SLC22A15: variants seen among roughly 807,000 people sequenced by gnomAD.
SLC22A15 encodes the protein flipt 1.
In SLC22A15, 45 loss-of-function variants were observed where a neutral mutation model predicts 62.7. The ratio of observed to expected loss-of-function variants is 0.72; its 90% CI spans 0.56 to 0.92. SLC22A15 has a LOEUF of 0.92. SLC22A15 is among the 40% of genes least tolerant of loss of function. The pLI, the probability that SLC22A15 is intolerant of heterozygous loss-of-function variation, is 0.00. For synonymous variants in SLC22A15, 264 were observed against 267.0 expected (o/e 0.99, Z 0.11); for missense variants, 622 against 665.6 (o/e 0.93, Z 0.72).
At chr1:116,009,098 A>C (rs1261244522) in intron 2 of SLC22A15, among the ~76,000 whole-genome samples, 2 of 152,024 alleles carry the variant, frequency 1.3e-5, no homozygotes, top group East Asian at 3.9e-4. Context: ...TAAGTCTCAT[A>C]CTCTCAGCAG....
In SLC22A15 at chr1:116,069,443, T is replaced by C. The variant is rs1658569061; in HGVS notation, c.*2335T>C. ...GTATTTTGGTTGTGCGGATGGTTTGTAAAAAGTATCCTGTTTTTTTAATTC... is the reference window on the plus strand; with the variant it reads ...GTATTTTGGTTGTGCGGATGGTTTGCAAAAAGTATCCTGTTTTTTTAATTC... On this transcript the variant is annotated 3_prime_UTR_variant, in exon 12 of 12. Transcript: ENST00000369503. 6.6e-6 allele frequency: 1 copy of C among 152,170 alleles called. No homozygotes were observed. Among genetic ancestry groups the C allele is most frequent in the South Asian group, 2.1e-4 (1 of 4,836 alleles). The allele number at this position is 152,170 out of a possible 1,614,324, so 9.4% of individuals were successfully genotyped here.
rs1656705219 is a variant in SLC22A15, at chr1:116,019,411, G to A, written c.301-171G>A. Among the ~76,000 whole-genome samples, 3 of 152,328 alleles carry A rather than the reference G, an allele frequency of 2.0e-5. No individual in the cohort carries two copies. The South Asian group carries it at 6.2e-4, about 32-fold the overall frequency. ...AATAATAGTGATTTCTAGTGTTTCT[G>A]AAGATAAAATCTGATTGGACGTTGT... On this transcript the variant is annotated intron_variant, in intron 2 of 11. Coordinates refer to ENST00000369503, the MANE Select transcript of SLC22A15 (RefSeq NM_018420.3).
At chr1:116,019,909 C>G (rs1292361240) in intron 3 of SLC22A15, among the ~76,000 whole-genome samples, 195 bp downstream of exon 3, 1 of 152,134 alleles carries the variant, frequency 6.6e-6, no homozygotes, top group African/African-American at 2.4e-5. Context: ...AGTTACTAGC[C>G]CACCTAGTTA....
At chr1:115,980,355 C>T (rs1262964129) in intron 1 of SLC22A15, among the ~76,000 whole-genome samples, 1 of 152,070 alleles carries the variant, frequency 6.6e-6, no homozygotes, top group African/African-American at 2.4e-5. Context: ...CACATTGTCC[C>T]TTGAGCACGT....
chr1:115,979,109 CATT>C (rs1324757022), intron 1 of SLC22A15, among the ~76,000 whole-genome samples: 1 of 152,102 alleles, frequency 6.6e-6, no homozygotes, highest in East Asian at 1.9e-4. Flanking sequence ...CTTCTGGGAC[CATT>C]ATTATTATTT....
intron 2 of SLC22A15, among the ~76,000 whole-genome samples, chr1:116,008,347 T>C (rs1656087153): frequency 6.6e-6 from 1 of 152,194 alleles, no homozygotes; most frequent in African/African-American, 2.4e-5. Context: ...TTAGGAGTTT[T>C]CATTAGTTTA....
At position 116,048,881 on chromosome 1, in the gene SLC22A15, TA is replaced by T. The variant is rs577048865; in HGVS notation, c.1171+11496del. Among the ~76,000 whole-genome samples, 324 of 152,174 alleles carry T rather than the reference TA, an allele frequency of 2.1e-3. 1 individual carries two copies. The highest frequency in any genetic ancestry group is 7.3e-3 in the African/African-American group (304 of 41,536). On this transcript the variant is annotated intron_variant, in intron 8 of 11. Coordinates refer to ENST00000369503, the MANE Select transcript of SLC22A15 (RefSeq NM_018420.3). Reference sequence around the variant, plus strand: ...TCACCTAACACATTAAGGACTCACATAAACTTAAGGTAAAGGGGTGGAAAAA... The same window carrying T: ...TCACCTAACACATTAAGGACTCACATAACTTAAGGTAAAGGGGTGGAAAAA...
intron 3 of SLC22A15, among the ~76,000 whole-genome samples, chr1:116,020,226 T>G (rs972784666): frequency 6.8e-6 from 1 of 147,330 alleles, no homozygotes; most frequent in African/African-American, 2.5e-5. Flanking sequence ...TTTAAAAAAA[T>G]AGTTTCCAAG....
At position 115,992,077 on chromosome 1, in the gene SLC22A15, C is replaced by G. The variant is rs552602518; in HGVS notation, c.134C>G (p.Thr45Arg). The change falls in exon 2 of 12, where the codon ACG becomes AGG. Residue 45 changes from threonine to arginine, a missense_variant. Transcript: ENST00000369503. ...ATCCTCATTGCACTGGTTGGGGCCA[C>G]GCCATCCTACCACTGGGACCTGGCA... is the stretch of plus-strand genomic sequence containing the variant. ...EAILIALVGA[T>R]PSYHWDLAEL... 5.2e-5 allele frequency: 84 copies of G among 1,613,930 alleles called. No homozygotes were observed. The East Asian group carries it at 9.1e-4, about 18-fold the overall frequency.
At chr1:116,021,581 T>C (rs1049213231) in intron 4 of SLC22A15, among the ~76,000 whole-genome samples, 3 of 152,234 alleles carry the variant, frequency 2.0e-5, no homozygotes, top group Admixed American at 1.3e-4. Flanking sequence ...GATGTTCTTA[T>C]ATGGATATGG....
intron 3 of SLC22A15, 48 bp downstream of exon 3, chr1:116,019,762 T>G (rs377155880): frequency 3.6e-5 from 57 of 1,563,154 alleles, no homozygotes; most frequent in Middle Eastern, 3.4e-4. Context: ...CTTATTTCTC[T>G]AAGATTCTTA....
At chr1:115,986,209 T>G (rs12080304) in intron 1 of SLC22A15, among the ~76,000 whole-genome samples, 6,946 of 152,078 alleles carry the variant, frequency 0.046, 544 homozygotes, top group African/African-American at 0.16. Context: ...TCATCTTTTT[T>G]TTTGGTTATA....
In SLC22A15 at chr1:116,050,182, C is replaced by T. The variant is rs1023607544; in HGVS notation, c.1172-12580C>T. 3.9e-5 allele frequency among the ~76,000 whole-genome samples: 6 copies of T among 152,078 alleles called. No homozygotes were observed. The East Asian group carries it at 1.2e-3, about 29-fold the overall frequency. On this transcript the variant is annotated intron_variant, in intron 8 of 11. Coordinates refer to ENST00000369503, the MANE Select transcript of SLC22A15 (RefSeq NM_018420.3). ...CTACCAGACATTTAACAAACTGATA[C>T]CAATCCTTTTGACACTATTCCATGA... is the stretch of plus-strand genomic sequence containing the variant.
intron 4 of SLC22A15, among the ~76,000 whole-genome samples, chr1:116,021,115 C>T (rs1260668254): frequency 5.9e-5 from 9 of 152,178 alleles, no homozygotes; most frequent in Non-Finnish European, 4.4e-5. Flanking sequence ...GCTTGCCATC[C>T]GCCTCATGGA....
At position 115,976,581 on chromosome 1, in the gene SLC22A15, C is replaced by T. The variant is rs536800150; in HGVS notation, c.-47C>T. On this transcript the variant is annotated 5_prime_UTR_variant, in exon 1 of 12. Transcript: ENST00000369503. The stretch of plus-strand genomic sequence containing the variant: ...GTTGCCGCGCTGGGCGGGAGGGCAG[C>T]GCCTGAGAGGGCGGTGGGGTGGCGG... The T allele has an allele frequency of 2.8e-4, 401 of 1,437,862 alleles. 3 individuals carry two copies. In the South Asian group the frequency reaches 4.6e-3, roughly 17 times the overall value. 89.1% of individuals were successfully genotyped at this position (1,437,862 alleles called of 1,614,324 possible).
At chr1:116,004,799 G>C (rs1485743047) in intron 2 of SLC22A15, among the ~76,000 whole-genome samples, 2 of 152,118 alleles carry the variant, frequency 1.3e-5, no homozygotes, top group African/African-American at 4.8e-5. Context: ...GAAATTATCT[G>C]TACCTGTAGA....
Position 116,026,926 on chromosome 1 carries a change from T to C in SLC22A15, c.632T>C (p.Ile211Thr), listed in dbSNP as rs1471313550. ...GGCGGCCTGTTCTTTGCAGTTGGCA[T>C]TGCCCAATATGCCCTGTTAGGATAC... ...SIGGLFFAVG[I>T]AQYALLGYFI... Residue 211 changes from isoleucine (I) to threonine (T), a missense_variant, in exon 5 of 12, where the codon ATT becomes ACT. Transcript: ENST00000369503. 3 of 1,613,686 alleles carry C rather than the reference T, an allele frequency of 1.9e-6. No homozygotes were observed. Among genetic ancestry groups the C allele is most frequent in the Non-Finnish European group, 2.5e-6 (3 of 1,179,874 alleles).
intron 1 of SLC22A15, among the ~76,000 whole-genome samples, chr1:115,976,949 C>T (rs1007772576): frequency 6.6e-6 from 1 of 152,146 alleles, no homozygotes; most frequent in Non-Finnish European, 1.5e-5. Context: ...GCTGGGCCCT[C>T]CACCCCGCCA....
At chr1:116,015,114 A>G (rs1283750602) in intron 2 of SLC22A15, 7 of 152,226 alleles carry the variant, frequency 4.6e-5, no homozygotes, top group Non-Finnish European at 1.5e-5. Context: ...TTAAACCAAT[A>G]TCTCACATGT....
Sources: gnomAD v4.1 joint callset for allele counts (sites outside exome capture counted in the v4.1 genomes callset) on GRCh38, gnomAD v4.1.1 for gene constraint, MANE v1.5 for transcripts, NCBI Gene and HGNC (gene_info 2026-07-23, HGNC 2026-07-21) for gene names.